Variants in ACVR2A observed in about 807,000 individuals in gnomAD.
ACVR2A encodes activin receptor type-2A.
A neutral mutation model predicts 61.4 loss-of-function variants in ACVR2A; 7 were observed. The observed-to-expected ratio is 0.11, with a 90% CI of 0.06 to 0.21. The LOEUF (loss-of-function observed/expected upper bound fraction) is 0.21, where lower values mean the gene tolerates loss of function less well. Ranked by LOEUF, ACVR2A falls within the 10% of genes least tolerant of loss-of-function variation. The pLI is 1.00. For synonymous variants in ACVR2A, 193 were observed against 208.3 expected, an observed-to-expected ratio of 0.93 and a Z score of 0.63; for missense variants, 322 against 621.7, an observed-to-expected ratio of 0.52 and a Z score of 5.13.
intron 4 of ACVR2A, among the ~76,000 whole-genome samples, chr2:147,910,052 A>G (rs534221557): frequency 4.6e-5 from 7 of 152,314 alleles, no homozygotes; most frequent in East Asian, 1.9e-4. Flanking sequence ...TGAGAAGTGT[A>G]TTAAGCAAAC....
chr2:147,853,938 A>G (rs1274940478), intron 1 of ACVR2A, among the ~76,000 whole-genome samples: 3 of 152,150 alleles, frequency 2.0e-5, no homozygotes, highest in Non-Finnish European at 1.5e-5. Flanking sequence ...TTAACTTTTA[A>G]AATTTGTAAA....
rs1686202186 is a variant in ACVR2A at position 147,877,983 on chromosome 2, G to C, written c.56-18318G>C. The stretch of plus-strand genomic sequence containing the variant: ...GTATTTCTCAATTACCGACTATACA[G>C]AGAAATGTGAATACTTATAGTAGAA... On this transcript the variant is annotated intron_variant, in intron 1 of 10. Coordinates refer to ENST00000241416, the MANE Select transcript of ACVR2A (RefSeq NM_001616.5). Among the ~76,000 whole-genome samples, 3 of 152,138 alleles carry C rather than the reference G, an allele frequency of 2.0e-5. No homozygotes were observed. The South Asian group carries it at 6.2e-4, about 32-fold the overall frequency.
In ACVR2A at chr2:147,927,389, T is replaced by C. The variant is rs1322146753; in HGVS notation, c.*115T>C. 7 of 1,052,232 alleles carry C rather than the reference T, an allele frequency of 6.7e-6. No homozygotes were observed. Among genetic ancestry groups the C allele is most frequent in the Non-Finnish European group, 8.0e-6 (6 of 752,484 alleles). 65.2% of individuals were successfully genotyped at this position (1,052,232 alleles called of 1,614,324 possible). On this transcript the variant is annotated 3_prime_UTR_variant, in exon 11 of 11. Transcript: ENST00000241416. The stretch of plus-strand genomic sequence containing the variant: ...AAATGAGTAGGATGTCTCTTGGAAA[T>C]GTTAAGAAAGAAGACCCTTTGTTGA...
At chr2:147,884,408 A>T (rs1262774907) in intron 1 of ACVR2A, among the ~76,000 whole-genome samples, 2 of 152,158 alleles carry the variant, frequency 1.3e-5, no homozygotes, top group African/African-American at 4.8e-5. Context: ...TACTCTACAC[A>T]TTTTGTGGCT....
In ACVR2A at chr2:147,881,621, GTGTGTGTGTGTGTGTGTGTGTA is replaced by G. The variant is rs1388466825; in HGVS notation, c.56-14661_56-14640del. On this transcript the variant is annotated intron_variant, in intron 1 of 10. Coordinates refer to ENST00000241416, the MANE Select transcript of ACVR2A (RefSeq NM_001616.5). ...CTGCTTAGTGTGTGTGTGTGTGTGT[GTGTGTGTGTGTGTGTGTGTGTA>G]TGTGTGTGTGTGTGTGTGGTTTTTT... Among the ~76,000 whole-genome samples the G allele has an allele frequency of 4.0e-3, 455 of 114,938 alleles. 4 individuals carry two copies. The highest frequency in any genetic ancestry group is 0.018 in the East Asian group (65 of 3,656). 75.4% of individuals were successfully genotyped at this position (114,938 alleles called of 152,430 possible). A position where few individuals can be genotyped will look rare whatever the true frequency, so the allele number is the denominator to read the frequency against.
chr2:147,862,063 G>A (rs1265132303), intron 1 of ACVR2A, among the ~76,000 whole-genome samples: 1 of 152,114 alleles, frequency 6.6e-6, no homozygotes, highest in African/African-American at 2.4e-5. Context: ...TGATTTTCAA[G>A]TTCAGTGTTC....
In ACVR2A at chr2:147,928,228, T is replaced by TAA. The variant is rs1436674979; in HGVS notation, c.*956_*957dup. Reference sequence around the variant, plus strand: ...ATTTAAAGCATGATTTAAAATTTTTTAAAGTGAGCTGTGACACTGGAAAGC... The same window carrying TAA: ...ATTTAAAGCATGATTTAAAATTTTTTAAAAAGTGAGCTGTGACACTGGAAAGC... On this transcript the variant is annotated 3_prime_UTR_variant, in exon 11 of 11. Coordinates refer to ENST00000241416, the MANE Select transcript of ACVR2A (RefSeq NM_001616.5). 1 of 152,372 alleles carries TAA rather than the reference T, an allele frequency of 6.6e-6. No homozygotes were observed. Among genetic ancestry groups the TAA allele is most frequent in the Non-Finnish European group, 1.5e-5 (1 of 67,924 alleles). The allele number at this position is 152,372 out of a possible 1,614,324, so 9.4% of individuals were successfully genotyped here.
intron 1 of ACVR2A, among the ~76,000 whole-genome samples, chr2:147,886,533 A>G (rs1268115474): frequency 1.3e-5 from 2 of 152,188 alleles, no homozygotes; most frequent in African/African-American, 4.8e-5. Flanking sequence ...GAGAATTGTG[A>G]TAGGTAAGCT....
intron 1 of ACVR2A, among the ~76,000 whole-genome samples, chr2:147,857,689 A>G (rs190122701): frequency 6.6e-6 from 1 of 152,150 alleles, no homozygotes; most frequent in East Asian, 1.9e-4. Context: ...CTACCACAGT[A>G]TGGAATATCA....
chr2:147,844,936 G>A (rs1685259655), upstream of ACVR2A: 1 of 458,376 alleles, frequency 2.2e-6, no homozygotes, highest in South Asian at 3.6e-5. Context: ...TTTTTCCCCC[G>A]TGGTGCATTT....
chr2:147,866,654 G>A (rs1224758977), intron 1 of ACVR2A, among the ~76,000 whole-genome samples: 1 of 152,128 alleles, frequency 6.6e-6, no homozygotes, highest in African/African-American at 2.4e-5. Context: ...GGTTATGAGG[G>A]GCTGGATTTG....
chr2:147,877,457 A>C (rs1558799854), intron 1 of ACVR2A: 1 of 152,208 alleles, frequency 6.6e-6, no homozygotes, highest in Non-Finnish European at 1.5e-5. Context: ...TAATATCGGA[A>C]TAATAGAGAA....
At chr2:147,869,599 C>T (rs1011874278) in intron 1 of ACVR2A, among the ~76,000 whole-genome samples, 1 of 152,112 alleles carries the variant, frequency 6.6e-6, no homozygotes, top group African/African-American at 2.4e-5. Flanking sequence ...AAGCTGTGGC[C>T]TATGCTTATG....
chr2:147,894,441 A>G (rs1686673838), intron 1 of ACVR2A, among the ~76,000 whole-genome samples: 1 of 152,142 alleles, frequency 6.6e-6, no homozygotes, highest in East Asian at 1.9e-4. Flanking sequence ...TGTCTTTTGT[A>G]ACATTAAAGT....
chr2:147,895,851 T>C (rs1686720007), intron 1 of ACVR2A, among the ~76,000 whole-genome samples: 1 of 152,170 alleles, frequency 6.6e-6, no homozygotes, highest in Admixed American at 6.5e-5. Flanking sequence ...TTGGGAAAGT[T>C]TTTGGGGAGT....
chr2:147,875,607 G>T (rs1377244817), intron 1 of ACVR2A, among the ~76,000 whole-genome samples: 1 of 152,154 alleles, frequency 6.6e-6, no homozygotes, highest in East Asian at 1.9e-4. Context: ...TTTGATGGAG[G>T]TTGTGCACTG....
At chr2:147,879,077 T>A (rs1686230716) in intron 1 of ACVR2A, among the ~76,000 whole-genome samples, 1 of 152,222 alleles carries the variant, frequency 6.6e-6, no homozygotes, top group Admixed American at 6.5e-5. Context: ...GCAATCAAAC[T>A]GTTTTCAGTG....
intron 1 of ACVR2A, among the ~76,000 whole-genome samples, chr2:147,865,470 A>G (rs1274027840): frequency 1.3e-5 from 2 of 152,288 alleles, no homozygotes; most frequent in East Asian, 1.9e-4. Context: ...TTCTTCTCAA[A>G]GTTCTCTTGT....
intron 1 of ACVR2A, among the ~76,000 whole-genome samples, chr2:147,861,400 A>G (rs1328378397): frequency 6.6e-6 from 1 of 152,192 alleles, no homozygotes; most frequent in Non-Finnish European, 1.5e-5. Flanking sequence ...AAGAATACTA[A>G]TATTTTCAAT....
Sources: allele counts gnomAD v4.1 joint callset (sites outside exome capture counted in the v4.1 genomes callset), GRCh38; gene constraint gnomAD v4.1.1; transcripts MANE v1.5; gene names NCBI Gene and HGNC (gene_info 2026-07-23, HGNC 2026-07-21).